The following BICDL1 variants were observed in gnomAD, a reference collection of about 807,000 sequenced individuals.
BICDL1 encodes the protein BICD family-like cargo adapter 1.
In BICDL1, 20 loss-of-function variants were observed where a neutral mutation model predicts 76.8. The ratio of observed to expected loss-of-function variants is 0.26; its 90% CI spans 0.18 to 0.38. BICDL1 has a LOEUF of 0.38. BICDL1 is among the 10% of genes least tolerant of loss of function. BICDL1 has a pLI of 1.00. For missense variants in BICDL1, 700 were observed against 798.6 expected (o/e 0.88, Z 1.49); for synonymous variants, 383 against 337.1 (o/e 1.14, Z -1.49).
intron 6 of BICDL1, 67 bp from the exon 7 acceptor site, chr12:120,074,376 T>C (rs577420926): frequency 2.5e-4 from 246 of 996,296 alleles, no homozygotes; most frequent in Non-Finnish European, 2.9e-4. Context: ...TAACCATCTC[T>C]CTCCCCCTTC....
chr12:120,003,558 A>G (rs556441205), intron 2 of BICDL1, among the ~76,000 whole-genome samples: 13 of 152,202 alleles, frequency 8.5e-5, no homozygotes, highest in Non-Finnish European at 1.9e-4. Flanking sequence ...CAAAGGTGCC[A>G]TGGATATCAG....
At chr12:120,010,501 C>T (rs1161902614) in intron 2 of BICDL1, among the ~76,000 whole-genome samples, 1 of 152,008 alleles carries the variant, frequency 6.6e-6, no homozygotes, top group East Asian at 1.9e-4. Flanking sequence ...GCTGTGGGTG[C>T]CAACAAAAAA....
intron 2 of BICDL1, among the ~76,000 whole-genome samples, chr12:120,022,628 G>T (rs74502504): frequency 0.023 from 3,510 of 151,858 alleles, 144 homozygotes; most frequent in African/African-American, 0.081. Context: ...CAGAGACCAG[G>T]TTTACTTTCC....
In BICDL1 at chr12:120,061,733, C is replaced by T; in HGVS notation, c.669C>T (p.Leu223=). 3 of 1,614,074 alleles carry T rather than the reference C, an allele frequency of 1.9e-6. No individual in the cohort carries two copies. Among genetic ancestry groups the T allele is most frequent in the Non-Finnish European group, 2.5e-6 (3 of 1,179,892 alleles). The change falls in exon 3 of 10, where the codon CTC becomes CTT. Residue 223 remains leucine, a synonymous_variant. Coordinates refer to ENST00000548673, the MANE Select transcript of BICDL1 (RefSeq NM_001367886.1). ...AGGCATCAGAAGTTGAGAGACAACT[C>T]TCCATGCAGGTCCACGCCCTCAGAG... The part of the protein sequence containing the change: ...LSRASEVERQ[L]SMQVHALRED...
At chr12:120,084,676 G>C (rs1000915035) in intron 8 of BICDL1, among the ~76,000 whole-genome samples, 2 of 152,032 alleles carry the variant, frequency 1.3e-5, no homozygotes, top group Non-Finnish European at 2.9e-5. Context: ...ATCACCTAAG[G>C]TCAGGAGTTT....
At chr12:120,060,350 G>A (rs931905405) in intron 2 of BICDL1, among the ~76,000 whole-genome samples, 2 of 152,226 alleles carry the variant, frequency 1.3e-5, no homozygotes, top group African/African-American at 4.8e-5. Context: ...TTCAGGGTGT[G>A]TAGGGTGGGG....
intron 2 of BICDL1, among the ~76,000 whole-genome samples, chr12:120,002,139 G>A (rs1002267659): frequency 6.6e-6 from 1 of 152,140 alleles, no homozygotes; most frequent in African/African-American, 2.4e-5. Flanking sequence ...CTCCGCAAAA[G>A]AAACCCTGTA....
intron 9 of BICDL1, chr12:120,091,851 G>T (rs1875001119): frequency 2.0e-6 from 2 of 985,340 alleles, no homozygotes; most frequent in Non-Finnish European, 2.4e-6. Context: ...CCAACTTCAT[G>T]CCCTCATCTC....
At chr12:120,033,807 T>C (rs1286746541) in intron 2 of BICDL1, among the ~76,000 whole-genome samples, 2 of 152,176 alleles carry the variant, frequency 1.3e-5, no homozygotes, top group Admixed American at 6.5e-5. Flanking sequence ...GCTTGATAGA[T>C]TTAGGTCAAA....
chr12:120,039,733 A>T (rs948869928), intron 2 of BICDL1, among the ~76,000 whole-genome samples: 1 of 152,060 alleles, frequency 6.6e-6, no homozygotes, highest in African/African-American at 2.4e-5. Flanking sequence ...AGGTATTATA[A>T]CGATAAGGAA....
At chr12:120,083,629 GTATTTATTTATTTATTTATTTATTTATT>G (rs10566467) in intron 8 of BICDL1, among the ~76,000 whole-genome samples, 1 of 145,124 alleles carries the variant, frequency 6.9e-6, no homozygotes, top group Non-Finnish European at 1.5e-5. Flanking sequence ...ATTAATAGTA[GTATTTATTTATTTATTTATTTATTTATT>G]TATTTATTTA....
In BICDL1 at chr12:119,998,731, A is replaced by G. The variant is rs1951700699; in HGVS notation, c.640A>G (p.Ser214Gly). The G allele has an allele frequency of 1.9e-6, 3 of 1,611,664 alleles. No homozygotes were observed. Among genetic ancestry groups the G allele is most frequent in the African/African-American group, 2.7e-5 (2 of 74,826 alleles). ...EQNQRLLDQL[S>G]RASEVERQLS... ...GAACCAAAGGCTATTGGATCAGCTC[A>G]GCAGGGTGAGTCACAAATTAAGAAT... The change falls in exon 2 of 10, where the codon AGC becomes GGC. Residue 214 changes from serine (S) to glycine (G), a missense_variant. By Grantham distance (56) the Ser-to-Gly change is moderately conservative. Coordinates refer to ENST00000548673, the MANE Select transcript of BICDL1 (RefSeq NM_001367886.1).
chr12:120,018,738 G>T lies in BICDL1; in HGVS notation c.645+20002G>T, dbSNP rs1171912416. On this transcript the variant is annotated intron_variant, in intron 2 of 9. Coordinates refer to ENST00000548673, the MANE Select transcript of BICDL1 (RefSeq NM_001367886.1). ...TATACCTTATGGGGTTGTTAGGGTT[G>T]TAGACTACATATAAAGTCTTGTGTT... Among the ~76,000 whole-genome samples, 3 of 152,062 alleles carry T rather than the reference G, an allele frequency of 2.0e-5. No homozygotes were observed. In the East Asian group the frequency reaches 5.8e-4, roughly 29 times the overall value.
chr12:120,093,361 G>A lies in BICDL1; in HGVS notation c.*200G>A. 1.6e-6 allele frequency: 1 copy of A among 632,904 alleles called. No homozygotes were observed. The highest frequency in any genetic ancestry group is 2.7e-6 in the Non-Finnish European group (1 of 375,232). 39.2% of individuals were successfully genotyped at this position (632,904 alleles called of 1,614,324 possible). A position where few individuals can be genotyped will look rare whatever the true frequency, so the allele number is the denominator to read the frequency against. ...TGGGGGCCTGCCTTGGCCACTGAAG[G>A]CTTCCCTTGGCCCACCGCCTGGCCA... is the stretch of plus-strand genomic sequence containing the variant. On this transcript the variant is annotated 3_prime_UTR_variant, in exon 10 of 10. Transcript: ENST00000548673.
chr12:120,073,570 G>A (rs1360943597), intron 6 of BICDL1, among the ~76,000 whole-genome samples: 1 of 152,154 alleles, frequency 6.6e-6, no homozygotes, highest in African/African-American at 2.4e-5. Flanking sequence ...TGGGCATCCT[G>A]GGCAGTCTGG....
At chr12:120,089,332 C>CGTGTGTGTGGCGT (rs905135070) in intron 8 of BICDL1, among the ~76,000 whole-genome samples, 7 of 149,228 alleles carry the variant, frequency 4.7e-5, no homozygotes, top group African/African-American at 1.7e-4. Context: ...GCTCTTTCAA[C>CGTGTGTGTGGCGT]GTGTGTGTGG....
chr12:120,087,484 C>T (rs1874524680), intron 8 of BICDL1, among the ~76,000 whole-genome samples: 1 of 152,210 alleles, frequency 6.6e-6, no homozygotes, highest in Non-Finnish European at 1.5e-5. Flanking sequence ...GGCCGCACTT[C>T]GGTTAGTGCG....
rs150159362 is a variant in BICDL1 at position 120,061,906 on chromosome 12, G to T, written c.762+80G>T. ...ACAAAAAACTGCTCTATGTAAAAGG[G>T]CCTAAAATCTCTACAGAAAGACATT... On this transcript the variant is annotated intron_variant, in intron 3 of 9. Coordinates refer to ENST00000548673, the MANE Select transcript of BICDL1 (RefSeq NM_001367886.1). 4.5e-6 allele frequency: 4 copies of T among 883,724 alleles called. No homozygotes were observed. In the African/African-American group the frequency reaches 6.7e-5, roughly 15 times the overall value. The allele number at this position is 883,724 out of a possible 1,614,324, so 54.7% of individuals were successfully genotyped here.
intron 8 of BICDL1, among the ~76,000 whole-genome samples, chr12:120,088,823 T>C (rs1460632015): frequency 2.0e-5 from 3 of 152,104 alleles, no homozygotes; most frequent in South Asian, 4.1e-4. Flanking sequence ...CCTGCCGCCA[T>C]GCCTGGCTAA....
Sources: gnomAD v4.1 joint callset for allele counts (sites outside exome capture counted in the v4.1 genomes callset) on GRCh38, gnomAD v4.1.1 for gene constraint, MANE v1.5 for transcripts, NCBI Gene and HGNC (gene_info 2026-07-23, HGNC 2026-07-21) for gene names.